PLA2G4A: variants seen among roughly 807,000 people sequenced by gnomAD.
PLA2G4A encodes the protein phospholipase A2 group IVA.
In PLA2G4A, 40 loss-of-function variants were observed where a neutral mutation model predicts 81.9. The observed-to-expected ratio is 0.49, with a 90% CI of 0.38 to 0.64. PLA2G4A has a LOEUF of 0.64. Ranked by LOEUF, PLA2G4A falls within the 30% of genes least tolerant of loss-of-function variation. The pLI, the probability that PLA2G4A is intolerant of heterozygous loss-of-function variation, is 0.00. For synonymous variants in PLA2G4A, 302 were observed against 296.9 expected, an observed-to-expected ratio of 1.02 and a Z score of -0.18; for missense variants, 715 against 905.1, an observed-to-expected ratio of 0.79 and a Z score of 2.69.
intron 6 of PLA2G4A, among the ~76,000 whole-genome samples, chr1:186,907,623 T>G (rs903241488): frequency 1.3e-5 from 2 of 152,220 alleles, no homozygotes; most frequent in Non-Finnish European, 2.9e-5. Flanking sequence ...CTGCATCTCT[T>G]TGAACTTCCC....
intron 14 of PLA2G4A, among the ~76,000 whole-genome samples, chr1:186,964,325 CCACA>C (rs1447120089): frequency 1.4e-5 from 2 of 147,612 alleles, no homozygotes; most frequent in African/African-American, 5.4e-5. Context: ...ATTAGGAGCA[CCACA>C]CATAAATGTG....
At chr1:186,938,105 T>C (rs1656020068) in intron 8 of PLA2G4A, among the ~76,000 whole-genome samples, 1 of 152,234 alleles carries the variant, frequency 6.6e-6, no homozygotes, top group South Asian at 2.1e-4. Context: ...GTGAGTTTCC[T>C]AAGCTGTGCT....
intron 2 of PLA2G4A, among the ~76,000 whole-genome samples, chr1:186,868,704 T>A (rs1199942585): frequency 6.6e-6 from 1 of 152,210 alleles, no homozygotes; most frequent in Non-Finnish European, 1.5e-5. Flanking sequence ...TCAATTTCTT[T>A]AATAGATATG....
chr1:186,882,764 T>C (rs1653783288), intron 3 of PLA2G4A, among the ~76,000 whole-genome samples: 1 of 152,140 alleles, frequency 6.6e-6, no homozygotes, highest in Non-Finnish European at 1.5e-5. Flanking sequence ...GCTAATAGTC[T>C]ATGTGAGAGG....
chr1:186,870,683 A>G (rs1653229850), intron 3 of PLA2G4A, 167 bp downstream of exon 3: 3 of 1,472,884 alleles, frequency 2.0e-6, no homozygotes, highest in Non-Finnish European at 2.8e-6. Context: ...TATCTGTCAG[A>G]TTAGCATTTT....
chr1:186,905,247 A>G (rs779957049), intron 5 of PLA2G4A, among the ~76,000 whole-genome samples: 18 of 152,342 alleles, frequency 1.2e-4, no homozygotes, highest in Middle Eastern at 3.4e-3. Flanking sequence ...AGACGGCACA[A>G]TGAAAGAGGC....
chr1:186,887,065 G>T (rs1010239846), intron 3 of PLA2G4A, among the ~76,000 whole-genome samples: 2 of 152,096 alleles, frequency 1.3e-5, no homozygotes, highest in African/African-American at 2.4e-5. Context: ...TGAAGGTCAT[G>T]GTATTTCAAT....
At chr1:186,908,932 C>T (rs955715350) in intron 6 of PLA2G4A, among the ~76,000 whole-genome samples, 1 of 149,058 alleles carries the variant, frequency 6.7e-6, no homozygotes. Context: ...GTCATAGAGG[C>T]AACTGTACAG....
At chr1:186,968,280 A>G (rs1657204064) in intron 15 of PLA2G4A, among the ~76,000 whole-genome samples, 1 of 152,008 alleles carries the variant, frequency 6.6e-6, no homozygotes, top group South Asian at 2.1e-4. Flanking sequence ...TTGACTCATT[A>G]TTTGTGATTA....
intron 8 of PLA2G4A, among the ~76,000 whole-genome samples, chr1:186,937,805 G>A (rs182938558): frequency 1.3e-5 from 2 of 151,458 alleles, no homozygotes; most frequent in Non-Finnish European, 2.9e-5. Context: ...GGGAATATGA[G>A]CATGTTATTT....
intron 7 of PLA2G4A, among the ~76,000 whole-genome samples, chr1:186,926,473 C>T (rs1243180023): frequency 1.3e-5 from 2 of 152,196 alleles, no homozygotes; most frequent in African/African-American, 2.4e-5. Flanking sequence ...ATTCCCATAA[C>T]AAAAGTAACA....
intron 3 of PLA2G4A, among the ~76,000 whole-genome samples, chr1:186,882,887 G>A (rs866081524): frequency 1.3e-5 from 2 of 152,040 alleles, no homozygotes; most frequent in Admixed American, 6.6e-5. Flanking sequence ...TATTTGAATC[G>A]TGAAGAAAAG....
At chr1:186,872,336 A>G (rs563722189) in intron 3 of PLA2G4A, among the ~76,000 whole-genome samples, 2 of 152,190 alleles carry the variant, frequency 1.3e-5, no homozygotes, top group South Asian at 4.1e-4. Flanking sequence ...ATTACCCACC[A>G]TACTCTTAAG....
intron 12 of PLA2G4A, among the ~76,000 whole-genome samples, chr1:186,949,244 CAGAA>C (rs952618341): frequency 1.8e-4 from 20 of 113,950 alleles, no homozygotes; most frequent in African/African-American, 6.1e-4. Flanking sequence ...TCATATGTGA[CAGAA>C]AGAAAGAAAG....
chr1:186,873,635 G>T (rs1254518204), intron 3 of PLA2G4A, among the ~76,000 whole-genome samples: 1 of 152,002 alleles, frequency 6.6e-6, no homozygotes, highest in Non-Finnish European at 1.5e-5. Flanking sequence ...TAGTGCTAAG[G>T]TTATATCTAT....
intron 7 of PLA2G4A, among the ~76,000 whole-genome samples, chr1:186,912,182 T>C (rs1654968409): frequency 6.6e-6 from 1 of 152,168 alleles, no homozygotes; most frequent in South Asian, 2.1e-4. Flanking sequence ...AGAATGTTTT[T>C]CTAGTGATCT....
intron 3 of PLA2G4A, among the ~76,000 whole-genome samples, chr1:186,882,942 CATTAA>C (rs1200968915): frequency 6.6e-6 from 1 of 151,522 alleles, no homozygotes; most frequent in Non-Finnish European, 1.5e-5. Flanking sequence ...AAGATGACAT[CATTAA>C]ATAAAATAGG....
chr1:186,922,426 G>T (rs6685468), intron 7 of PLA2G4A, among the ~76,000 whole-genome samples: 2,230 of 152,252 alleles, frequency 0.015, 56 homozygotes, highest in African/African-American at 0.05. Context: ...CAGTTGTCCA[G>T]ACTCCAAGTG....
chr1:186,889,030 C>T (rs943224200), intron 3 of PLA2G4A, among the ~76,000 whole-genome samples: 3 of 152,126 alleles, frequency 2.0e-5, no homozygotes, highest in Non-Finnish European at 4.4e-5. Context: ...GATTTGCAAT[C>T]CTGAGCACTG....
Sources: gnomAD v4.1 joint callset for allele counts (sites outside exome capture counted in the v4.1 genomes callset) on GRCh38, gnomAD v4.1.1 for gene constraint, MANE v1.5 for transcripts, NCBI Gene and HGNC (gene_info 2026-07-23, HGNC 2026-07-21) for gene names.